STOX2: variants seen among roughly 807,000 people sequenced by gnomAD.
STOX2 encodes storkhead box 2, also known as storkhead-box protein 2.
A neutral mutation model predicts 60.9 loss-of-function variants in STOX2; 28 were observed. That is an observed-to-expected ratio of 0.46 (90% CI 0.34 to 0.63). The LOEUF is 0.63. STOX2 is among the 30% of genes least tolerant of loss of function. The pLI, the probability that STOX2 is intolerant of heterozygous loss-of-function variation, is 0.01. For synonymous variants in STOX2, 472 were observed against 463.9 expected (o/e 1.02, Z -0.22); for missense variants, 1,024 against 1,187.7 (o/e 0.86, Z 2.03).
In STOX2 at chr4:184,011,252, T is replaced by G; in HGVS notation, c.2414T>G (p.Leu805Arg). 1 of 1,613,514 alleles carries G rather than the reference T, an allele frequency of 6.2e-7. No homozygotes were observed. Among genetic ancestry groups the G allele is most frequent in the Non-Finnish European group, 8.5e-7 (1 of 1,179,676 alleles). ...NREDVGTMQWLLEREKERDLQ... is the reference protein window; with the variant it reads ...NREDVGTMQWRLEREKERDLQ... The stretch of plus-strand genomic sequence containing the variant: ...GAGGACGTAGGCACCATGCAGTGGC[T>G]CCTCGAGCGGGAGAAGGAAAGAGAC... The change falls in exon 3 of 4, where the codon CTC becomes CGC. Residue 805 changes from leucine to arginine, a missense_variant. Leu to Arg is a moderately radical substitution (Grantham distance 102, BLOSUM62 -2). This residue lies in a region of STOX2 where 922 missense variants were observed against 1,058.3 expected (regional missense o/e 0.87). Transcript: ENST00000308497. The surrounding 1 kb of genome is among the most constrained non-coding windows in gnomAD (Gnocchi z 4.4).
intron 1 of STOX2, among the ~76,000 whole-genome samples, chr4:183,998,222 G>A (rs1560930312): frequency 6.6e-6 from 1 of 152,186 alleles, no homozygotes; most frequent in Non-Finnish European, 1.5e-5. Flanking sequence ...AAGTCCAGAG[G>A]TTCTGGAATC....
intron 2 of STOX2, among the ~76,000 whole-genome samples, chr4:184,007,015 C>CAAAAAAAAAAAAA (rs61393267): frequency 3.8e-5 from 2 of 52,818 alleles, no homozygotes; most frequent in African/African-American, 1.5e-4. Flanking sequence ...GACTCTGTCT[C>CAAAAAAAAAAAAA]AAAAAAAAAA....
chr4:183,890,499 A>AAAAAAG (rs141289727), intron 1 of STOX2, among the ~76,000 whole-genome samples: 1 of 124,960 alleles, frequency 8.0e-6, no homozygotes. Flanking sequence ...AAAAAAAAAA[A>AAAAAAG]CAGCAACAGA....
Position 183,906,730 on chromosome 4 carries a change from A to T in STOX2, c.-61A>T. On this transcript the variant is annotated 5_prime_UTR_variant, in exon 1 of 4. Coordinates refer to ENST00000308497, the MANE Select transcript of STOX2 (RefSeq NM_020225.3). ...CGTGCCCGCCGTAGACGGATGAAGG[A>T]GCGCGCTGCGCCCCGGCGCTGAGGC... is the stretch of plus-strand genomic sequence containing the variant. The T allele has an allele frequency of 7.0e-7, 1 of 1,434,004 alleles. No homozygotes were observed. Among genetic ancestry groups the T allele is most frequent in the South Asian group, 1.4e-5 (1 of 69,306 alleles). The allele number at this position is 1,434,004 out of a possible 1,614,324, so 88.8% of individuals were successfully genotyped here. A position where few individuals can be genotyped will look rare whatever the true frequency, so the allele number is the denominator to read the frequency against.
At chr4:183,940,192 C>T (rs940709433) in intron 1 of STOX2, among the ~76,000 whole-genome samples, 17 of 152,172 alleles carry the variant, frequency 1.1e-4, no homozygotes, top group Admixed American at 5.9e-4. Context: ...CGTGAGCCAC[C>T]GAGCCCGGCC....
chr4:183,931,621 C>G (rs1742426356), intron 1 of STOX2, among the ~76,000 whole-genome samples: 1 of 152,154 alleles, frequency 6.6e-6, no homozygotes, highest in Non-Finnish European at 1.5e-5. Context: ...GAAAGGAGTT[C>G]ACTATACCGT....
At chr4:183,931,019 G>C (rs1742406735) in intron 1 of STOX2, among the ~76,000 whole-genome samples, 1 of 151,994 alleles carries the variant, frequency 6.6e-6, no homozygotes, top group African/African-American at 2.4e-5. Flanking sequence ...AAACTGTCAT[G>C]TTTGTTCTTG....
chr4:183,970,713 C>T (rs1289374949), intron 1 of STOX2, among the ~76,000 whole-genome samples: 1 of 152,256 alleles, frequency 6.6e-6, no homozygotes, highest in Non-Finnish European at 1.5e-5. Context: ...CTGCAGCCAG[C>T]AGCCAGAGAT....
chr4:183,956,110 CTG>C (rs149781838), intron 1 of STOX2, among the ~76,000 whole-genome samples: 2,111 of 152,320 alleles, frequency 0.014, 26 homozygotes, highest in South Asian at 0.048. Flanking sequence ...TGAGAGGTAA[CTG>C]TATTAGATGA....
chr4:183,943,453 G>A (rs1164130054), intron 1 of STOX2, among the ~76,000 whole-genome samples: 1 of 152,136 alleles, frequency 6.6e-6, no homozygotes, highest in Non-Finnish European at 1.5e-5. Context: ...TCTTGAAGCT[G>A]AGTGATAGGT....
upstream of STOX2, among the ~76,000 whole-genome samples, chr4:183,904,828 G>A (rs1044862709): frequency 6.6e-6 from 1 of 152,202 alleles, no homozygotes; most frequent in Non-Finnish European, 1.5e-5. Flanking sequence ...AGCACAGATT[G>A]TGTTAGAACT....
At chr4:183,911,686 G>C (rs6552717) in intron 1 of STOX2, among the ~76,000 whole-genome samples, 24,288 of 152,134 alleles carry the variant, frequency 0.16, 3,006 homozygotes, top group African/African-American at 0.35. Context: ...ATTCTGGCCT[G>C]AAATTCCCTA....
chr4:183,882,005 C>T (rs1740971630), intron 1 of STOX2, among the ~76,000 whole-genome samples: 2 of 152,232 alleles, frequency 1.3e-5, no homozygotes, highest in African/African-American at 4.8e-5. Flanking sequence ...AGGACCCCAG[C>T]CAAGGCACCA....
intron 1 of STOX2, among the ~76,000 whole-genome samples, chr4:183,980,224 AC>A (rs1238754549): frequency 6.6e-6 from 1 of 152,096 alleles, no homozygotes; most frequent in Admixed American, 6.5e-5. Flanking sequence ...GGGAGGTGAT[AC>A]TGAGGATGAG....
rs1739706920 is a variant in STOX2 at position 183,836,308 on chromosome 4, G to T, written c.364+38253G>T. Among the ~76,000 whole-genome samples, 1 of 152,174 alleles carries T rather than the reference G, an allele frequency of 6.6e-6. No homozygotes were observed. Among genetic ancestry groups the T allele is most frequent in the African/African-American group, 2.4e-5 (1 of 41,432 alleles). On this transcript the variant is annotated intron_variant, in intron 1 of 2. Transcript: ENST00000513034. The surrounding 1 kb of genome is among the most constrained non-coding windows in gnomAD (Gnocchi z 4.1). Reference sequence around the variant, plus strand: ...CGCAGATCCTCTTCTGCAAGTCAATGGGTATGGTTGTGGTGTAGCGGGTTT... The same window carrying T: ...CGCAGATCCTCTTCTGCAAGTCAATTGGTATGGTTGTGGTGTAGCGGGTTT...
At chr4:183,991,919 G>A (rs1733123503) in intron 1 of STOX2, among the ~76,000 whole-genome samples, 1 of 152,136 alleles carries the variant, frequency 6.6e-6, no homozygotes, top group African/African-American at 2.4e-5. Flanking sequence ...CACACAACCA[G>A]TGAGGAGCAG....
chr4:183,919,663 T>C (rs1742041078), intron 1 of STOX2, among the ~76,000 whole-genome samples: 1 of 152,152 alleles, frequency 6.6e-6, no homozygotes, highest in African/African-American at 2.4e-5. Flanking sequence ...TGGAGTGCAG[T>C]GGTACTATCG....
At chr4:183,919,438 G>A (rs578091172) in intron 1 of STOX2, among the ~76,000 whole-genome samples, 24 of 152,224 alleles carry the variant, frequency 1.6e-4, no homozygotes, top group African/African-American at 4.8e-4. Flanking sequence ...AGGCCCCGCC[G>A]GGAGGTGTCT....
chr4:183,834,590 C>T (rs1249085205), intron 1 of STOX2, among the ~76,000 whole-genome samples: 2 of 152,126 alleles, frequency 1.3e-5, no homozygotes, highest in African/African-American at 4.8e-5. Context: ...AGGCTGTTGG[C>T]TCTACATTCT....
Sources: allele counts gnomAD v4.1 joint callset (sites outside exome capture counted in the v4.1 genomes callset), GRCh38; gene constraint gnomAD v4.1.1; regional missense constraint gnomAD v4.1.1; non-coding constraint Gnocchi (gnomAD v3.1); transcripts MANE v1.5; gene names NCBI Gene and HGNC (gene_info 2026-07-23, HGNC 2026-07-21).